Variants in MEPCE observed in about 807,000 individuals in gnomAD.
MEPCE encodes 7SK snRNA methylphosphate capping enzyme.
MEPCE carries 9 observed loss-of-function variants against 52.3 expected under a neutral mutation model. The ratio of observed to expected loss-of-function variants is 0.17; its 90% CI spans 0.10 to 0.30. The LOEUF (loss-of-function observed/expected upper bound fraction) is 0.30. Ranked by LOEUF, MEPCE falls within the 10% of genes least tolerant of loss-of-function variation. The pLI is 1.00. For synonymous variants in MEPCE, 477 were observed against 401.6 expected (o/e 1.19, Z -2.25); for missense variants, 826 against 933.0 (o/e 0.89, Z 1.49).
chr7:100,430,173 G>C lies in MEPCE; in HGVS notation c.155G>C (p.Gly52Ala). Reference protein sequence around the residue: ...ELRGGTERGPGRCAPSAGSPA... With the variant: ...ELRGGTERGPARCAPSAGSPA... The stretch of plus-strand genomic sequence containing the variant: ...CGCGGCGGGACGGAGCGTGGTCCGG[G>C]TCGTTGCGCGCCATCTGCGGGGTCC... Residue 52 changes from glycine to alanine, a missense_variant, in exon 1 of 4, where the codon GGT becomes GCT. Gly to Ala is a moderately conservative substitution (Grantham distance 60). Transcript: ENST00000310512. The C allele has an allele frequency of 1.1e-5, 14 of 1,295,742 alleles. No individual in the cohort carries two copies. Among genetic ancestry groups the C allele is most frequent in the Non-Finnish European group, 1.4e-5 (14 of 1,024,122 alleles). The allele number at this position is 1,295,742 out of a possible 1,614,324, so 80.3% of individuals were successfully genotyped here.
Position 100,433,565 on chromosome 7 carries a change from A to G in MEPCE, c.*11A>G, listed in dbSNP as rs1798786928. On this transcript the variant is annotated 3_prime_UTR_variant, in exon 4 of 4. Transcript: ENST00000310512. Reference sequence around the variant, plus strand: ...TCCCCCAGCCACTAAGTGGCCCCCTAAACAGAAAGTGTGAAGAGGCTGCCC... The same window carrying G: ...TCCCCCAGCCACTAAGTGGCCCCCTGAACAGAAAGTGTGAAGAGGCTGCCC... The G allele has an allele frequency of 6.2e-7, 1 of 1,611,582 alleles. No individual in the cohort carries two copies. Among genetic ancestry groups the G allele is most frequent in the Non-Finnish European group, 8.5e-7 (1 of 1,179,752 alleles).
rs775995007 is a variant in MEPCE, at chr7:100,433,295, A to G, written c.1923A>G (p.Gln641=). The part of the protein sequence containing the change: ...ETIYKNYYRI[Q]LKPEQFSSYL... ...TCTACAAGAACTACTACCGAATCCA[A>G]TTGAAGCCAGAGCAGTTCAGTTCCT... The change falls in exon 3 of 4, where the codon CAA becomes CAG. Residue 641 remains glutamine, a synonymous_variant. Transcript: ENST00000310512. The G allele has an allele frequency of 2.4e-5, 39 of 1,614,082 alleles. No homozygotes were observed. In the Admixed American group the frequency reaches 3.3e-4, roughly 14 times the overall value.
upstream of MEPCE, chr7:100,429,817 CG>C (rs1798503233): frequency 2.4e-6 from 1 of 415,844 alleles, no homozygotes; most frequent in African/African-American, 2.0e-5. Flanking sequence ...TCGAGTAGTT[CG>C]GGTCTCGCGG....
chr7:100,430,266 A>C lies in MEPCE; in HGVS notation c.248A>C (p.Gln83Pro). The C allele has an allele frequency of 4.3e-6, 6 of 1,396,340 alleles. No individual in the cohort carries two copies. Among genetic ancestry groups the C allele is most frequent in the Non-Finnish European group, 4.6e-6 (5 of 1,079,832 alleles). 86.5% of individuals were successfully genotyped at this position (1,396,340 alleles called of 1,614,324 possible). ...ACCTCCTCCAGTGGTCCCCAGGCGC[A>C]GCAGCACCGAGGGGGCGGCCCCCAG... ...AATSSSGPQAQQHRGGGPQAQ... is the reference protein window; with the variant it reads ...AATSSSGPQAPQHRGGGPQAQ... Residue 83 changes from glutamine (Q) to proline (P), a missense_variant, in exon 1 of 4, where the codon CAG (glutamine) becomes CCG (proline). Physicochemically the swap from Gln to Pro is moderately conservative, Grantham distance 76 (BLOSUM62 -1). Around this residue, in one of 7 missense-constraint regions of MEPCE, gnomAD observed 314 missense variants for 277.7 expected, o/e 1.13. Coordinates refer to ENST00000310512, the MANE Select transcript of MEPCE (RefSeq NM_019606.6).
chr7:100,429,683 C>G, upstream of MEPCE: 1 of 260,594 alleles, frequency 3.8e-6, no homozygotes, highest in Non-Finnish European at 7.3e-6. Context: ...CGCGCGCAAC[C>G]AGGGTGGTGG....
chr7:100,431,301 C>T lies in MEPCE; in HGVS notation c.1283C>T (p.Ser428Phe), dbSNP rs535240966. 1 of 1,614,202 alleles carries T rather than the reference C, an allele frequency of 6.2e-7. No individual in the cohort carries two copies. Among genetic ancestry groups the T allele is most frequent in the East Asian group, 2.2e-5 (1 of 44,892 alleles). ...YCKYYGYRNP[S>F]CEDGRLRVLK... The stretch of plus-strand genomic sequence containing the variant: ...AAATACTATGGGTACCGCAATCCTT[C>T]CTGTGAGGATGGGCGCCTTCGGGTG... Residue 428 changes from serine to phenylalanine, a missense_variant, in exon 1 of 4, where the codon TCC becomes TTC. Physicochemically the swap from Ser to Phe is radical, Grantham distance 155 (BLOSUM62 -2). This residue lies in a region of MEPCE where 307 missense variants were observed against 292.1 expected (regional missense o/e 1.05). Coordinates refer to ENST00000310512, the MANE Select transcript of MEPCE (RefSeq NM_019606.6).
chr7:100,432,796 G>A lies in MEPCE; in HGVS notation c.1672-123G>A, dbSNP rs1000000630. On this transcript the variant is annotated intron_variant, in intron 1 of 3. Transcript: ENST00000310512. The stretch of plus-strand genomic sequence containing the variant: ...GCAGGCACCTTTTGGGAGTTAGTCT[G>A]AGAAGAAAGTGGCCACGGGCTAAAG... The A allele has an allele frequency of 4.8e-6, 4 of 838,410 alleles. No individual in the cohort carries two copies. In the African/African-American group the frequency reaches 5.1e-5, roughly 11 times the overall value. The allele number at this position is 838,410 out of a possible 1,614,324, so 51.9% of individuals were successfully genotyped here.
rs1302733520 is a variant in MEPCE, at chr7:100,430,825, C to A, written c.807C>A (p.His269Gln). 1 of 1,612,090 alleles carries A rather than the reference C, an allele frequency of 6.2e-7. No homozygotes were observed. Among genetic ancestry groups the A allele is most frequent in the Non-Finnish European group, 8.5e-7 (1 of 1,178,666 alleles). The change falls in exon 1 of 4, where the codon CAC becomes CAA. Residue 269 changes from histidine to glutamine, a missense_variant. Coordinates refer to ENST00000310512, the MANE Select transcript of MEPCE (RefSeq NM_019606.6). Reference sequence around the variant, plus strand: ...AGCGGCATAGACACCGGGGACAGCACCACCAGCAGCAGCAGGCAGCCGGAG... The same window carrying A: ...AGCGGCATAGACACCGGGGACAGCAACACCAGCAGCAGCAGGCAGCCGGAG... The part of the protein sequence containing the change: ...GRKRHRHRGQ[H>Q]HQQQQAAGGS...
At position 100,431,000 on chromosome 7, in the gene MEPCE, G is replaced by A. The variant is rs757679471; in HGVS notation, c.982G>A (p.Val328Met). The change falls in exon 1 of 4, where the codon GTG (valine) becomes ATG (methionine). Residue 328 changes from valine (V) to methionine (M), a missense_variant. This residue lies in a region of MEPCE where 307 missense variants were observed against 292.1 expected (regional missense o/e 1.05). Coordinates refer to ENST00000310512, the MANE Select transcript of MEPCE (RefSeq NM_019606.6). ...LNTAINCRDE[V>M]VSPLPSALQG... ...CACAGCCATCAACTGCAGGGATGAA[G>A]TGGTGTCTCCCCTTCCATCTGCTCT... 2 of 1,613,560 alleles carry A rather than the reference G, an allele frequency of 1.2e-6. No individual in the cohort carries two copies. The highest frequency in any genetic ancestry group is 1.1e-5 in the South Asian group (1 of 91,048).
Position 100,433,050 on chromosome 7 carries a change from C to T in MEPCE, c.1803C>T (p.Arg601=), listed in dbSNP as rs766321008. The change falls in exon 2 of 4, where the codon CGC becomes CGT. Residue 601 remains arginine (R), a synonymous_variant. Transcript: ENST00000310512. The stretch of plus-strand genomic sequence containing the variant: ...ACGAGGGCCTGAAGCGCATGTTTCG[C>T]CGGATCTACCGGCACCTACGCCCTG... The part of the protein sequence containing the change: ...WGDEGLKRMF[R]RIYRHLRPGG... 20 of 1,613,918 alleles carry T rather than the reference C, an allele frequency of 1.2e-5. No individual in the cohort carries two copies. In the East Asian group the frequency reaches 4.5e-4, roughly 36 times the overall value.
Position 100,433,273 on chromosome 7 carries a change from A to G in MEPCE, c.1901A>G (p.Tyr634Cys). 1 of 1,614,176 alleles carries G rather than the reference A, an allele frequency of 6.2e-7. No homozygotes were observed. Among genetic ancestry groups the G allele is most frequent in the Non-Finnish European group, 8.5e-7 (1 of 1,180,024 alleles). ...TGCCTCTCTCCTTAGGAAACGATCT[A>G]CAAGAACTACTACCGAATCCAATTG... ...GKRKTLTETI[Y>C]KNYYRIQLKP... is the part of the protein sequence containing the mutation. The change falls in exon 3 of 4, where the codon TAC (tyrosine) becomes TGC (cysteine). Residue 634 changes from tyrosine to cysteine, a missense_variant. Physicochemically the swap from Tyr to Cys is radical, Grantham distance 194. This residue lies in a region of MEPCE where 82 missense variants were observed against 121.4 expected (regional missense o/e 0.68). Transcript: ENST00000310512.
chr7:100,429,491 C>T (rs1034078049), upstream of MEPCE: 5 of 152,446 alleles, frequency 3.3e-5, no homozygotes, highest in African/African-American at 1.2e-4. Flanking sequence ...CCTTTTCACA[C>T]CAGCTCCCGT....
In MEPCE at chr7:100,430,074, C is replaced by A; in HGVS notation, c.56C>A (p.Pro19Gln). 1 of 1,265,886 alleles carries A rather than the reference C, an allele frequency of 7.9e-7. No homozygotes were observed. Among genetic ancestry groups the A allele is most frequent in the Non-Finnish European group, 9.9e-7 (1 of 1,005,798 alleles). The allele number at this position is 1,265,886 out of a possible 1,614,324, so 78.4% of individuals were successfully genotyped here. The change falls in exon 1 of 4, where the codon CCG becomes CAG. Residue 19 changes from proline (P) to glutamine (Q), a missense_variant. Transcript: ENST00000310512. ...EPFLVPAPPPPLKDESGGGGG... is the reference protein window; with the variant it reads ...EPFLVPAPPPQLKDESGGGGG... ...TTTCTGGTGCCGGCCCCGCCGCCGC[C>A]GCTCAAAGATGAGTCGGGCGGAGGG...
Position 100,430,147 on chromosome 7 carries a change from C to T in MEPCE, c.129C>T (p.Leu43=). ...ACCAAGAGGCCGCCTCTGGGGAGCT[C>T]CGCGGCGGGACGGAGCGTGGTCCGG... ...PPHQEAASGE[L]RGGTERGPGR... is the part of the protein sequence containing the mutation. Residue 43 remains leucine, a synonymous_variant, in exon 1 of 4, where the codon CTC becomes CTT. Coordinates refer to ENST00000310512, the MANE Select transcript of MEPCE (RefSeq NM_019606.6). The T allele has an allele frequency of 7.8e-7, 1 of 1,287,204 alleles. No homozygotes were observed. The allele number at this position is 1,287,204 out of a possible 1,614,324, so 79.7% of individuals were successfully genotyped here.
At chr7:100,429,814 G>A (rs553340096), upstream of MEPCE, 1 of 415,772 alleles carries the variant, frequency 2.4e-6, no homozygotes, top group Non-Finnish European at 4.1e-6. Flanking sequence ...TCCTCGAGTA[G>A]TTCGGGTCTC....
intron 1 of MEPCE, 93 bp downstream of exon 1, chr7:100,431,782 A>T (rs1329437965): frequency 8.1e-7 from 1 of 1,240,246 alleles, no homozygotes; most frequent in African/African-American, 1.5e-5. Context: ...CCAGATCCTC[A>T]AAAGAGGGGT....
chr7:100,432,872 GTTCT>G (rs1563165253), intron 1 of MEPCE, 43 bp from the exon 2 acceptor site: 1 of 1,572,666 alleles, frequency 6.4e-7, no homozygotes, highest in East Asian at 2.2e-5. Flanking sequence ...GGGAGCAGGG[GTTCT>G]TTGATTCCCT....
chr7:100,430,736 A>G lies in MEPCE; in HGVS notation c.718A>G (p.Ser240Gly), dbSNP rs1400562974. The change falls in exon 1 of 4, where the codon AGT (serine) becomes GGT (glycine). Residue 240 changes from serine (S) to glycine (G), a missense_variant. Around this residue, in one of 7 missense-constraint regions of MEPCE, gnomAD observed 307 missense variants for 292.1 expected, o/e 1.05. Coordinates refer to ENST00000310512, the MANE Select transcript of MEPCE (RefSeq NM_019606.6). ...CCCCAAAGATATTACTGACCCGCTC[A>G]GTCTCAATACTTGCACTGATGAGGG... ...LIPKDITDPL[S>G]LNTCTDEGHV... 6.2e-7 allele frequency: 1 copy of G among 1,613,942 alleles called. No homozygotes were observed. The highest frequency in any genetic ancestry group is 8.5e-7 in the Non-Finnish European group (1 of 1,180,016).
upstream of MEPCE, chr7:100,429,178 A>C (rs990387514): frequency 2.0e-5 from 3 of 152,126 alleles, no homozygotes; most frequent in Admixed American, 6.5e-5. Context: ...TGCTACCAAC[A>C]GCTCATGAAT....
Sources: allele counts gnomAD v4.1 joint callset, GRCh38; gene constraint gnomAD v4.1.1; regional missense constraint gnomAD v4.1.1; transcripts MANE v1.5; gene names NCBI Gene and HGNC (gene_info 2026-07-23, HGNC 2026-07-21).